Variants in NDST3 observed in about 807,000 individuals in gnomAD.
The protein encoded by NDST3 is bifunctional heparan sulfate N-deacetylase/N-sulfotransferase 3.
NDST3 carries 58 observed loss-of-function variants against 96.1 expected under a neutral mutation model. The ratio of observed to expected loss-of-function variants is 0.60; its 90% CI spans 0.49 to 0.75. NDST3 has a LOEUF of 0.75. Among genes scored for constraint, NDST3 ranks in the 30% least tolerant of loss-of-function variants. The pLI is 0.00. For synonymous variants in NDST3, 333 were observed against 359.7 expected (o/e 0.93, Z 0.84); for missense variants, 788 against 1,034.2 (o/e 0.76, Z 3.27).
chr4:118,040,612 C>T (rs1020979108), intron 1 of NDST3, among the ~76,000 whole-genome samples: 2 of 151,970 alleles, frequency 1.3e-5, no homozygotes, highest in Non-Finnish European at 2.9e-5. Flanking sequence ...TGTGTTATTT[C>T]TATTATCATC....
chr4:118,184,965 A>G (rs1008204385), intron 6 of NDST3, among the ~76,000 whole-genome samples: 2 of 152,180 alleles, frequency 1.3e-5, no homozygotes, highest in African/African-American at 4.8e-5. Context: ...AAATTGAGGC[A>G]CAAATGAATA....
At chr4:118,191,803 T>C (rs947346217) in intron 6 of NDST3, among the ~76,000 whole-genome samples, 34 of 152,358 alleles carry the variant, frequency 2.2e-4, no homozygotes, top group African/African-American at 6.0e-4. Flanking sequence ...ACTAGTTTGA[T>C]AGTAGGATTG....
intron 6 of NDST3, among the ~76,000 whole-genome samples, chr4:118,144,068 C>T (rs1284626907): frequency 2.0e-5 from 3 of 151,800 alleles, no homozygotes; most frequent in South Asian, 4.2e-4. Context: ...TTAAAGTTAA[C>T]GTAGAAGCAA....
chr4:118,209,135 T>C (rs757036108), intron 6 of NDST3, among the ~76,000 whole-genome samples: 6 of 152,226 alleles, frequency 3.9e-5, no homozygotes, highest in Non-Finnish European at 7.3e-5. Context: ...ATCTATTATA[T>C]TGTGGAGGGA....
chr4:118,042,314 A>T (rs1421310437), intron 1 of NDST3, among the ~76,000 whole-genome samples: 4 of 151,976 alleles, frequency 2.6e-5, no homozygotes, highest in Admixed American at 2.6e-4. Context: ...TTCTTCCCAA[A>T]TATCTCTCAT....
chr4:118,051,561 GAA>G (rs1725079431), intron 1 of NDST3, among the ~76,000 whole-genome samples: 1 of 151,902 alleles, frequency 6.6e-6, no homozygotes, highest in East Asian at 1.9e-4. Flanking sequence ...CAATAAGAAA[GAA>G]ACAACCAACC....
At chr4:118,091,257 G>C (rs1728846467) in intron 2 of NDST3, among the ~76,000 whole-genome samples, 1 of 151,604 alleles carries the variant, frequency 6.6e-6, no homozygotes, top group South Asian at 2.1e-4. Context: ...ATTTACCCAT[G>C]TACAAACCTA....
At chr4:118,094,371 A>C (rs187680477) in intron 2 of NDST3, among the ~76,000 whole-genome samples, 37 of 152,004 alleles carry the variant, frequency 2.4e-4, no homozygotes, top group African/African-American at 8.2e-4. Flanking sequence ...AGCCACATTA[A>C]GAGGTTATTC....
intron 4 of NDST3, among the ~76,000 whole-genome samples, chr4:118,120,012 T>C (rs1328128776): frequency 6.6e-6 from 1 of 152,150 alleles, no homozygotes; most frequent in Non-Finnish European, 1.5e-5. Context: ...TAAGGAAAAG[T>C]ATGGAAGTCA....
intron 12 of NDST3, among the ~76,000 whole-genome samples, chr4:118,246,537 C>T (rs1364999861): frequency 2.0e-5 from 3 of 151,956 alleles, no homozygotes; most frequent in Non-Finnish European, 2.9e-5. Context: ...ACCTGAGAGG[C>T]GGAGGTTGCA....
chr4:118,161,719 G>A (rs530522288), intron 6 of NDST3, among the ~76,000 whole-genome samples: 9 of 152,242 alleles, frequency 5.9e-5, no homozygotes, highest in Middle Eastern at 3.4e-3. Context: ...TTTTAAGCCC[G>A]TCGGAAAAGT....
chr4:118,224,841 A>G (rs1427786960), intron 7 of NDST3, among the ~76,000 whole-genome samples, 168 bp downstream of exon 7: 1 of 152,158 alleles, frequency 6.6e-6, no homozygotes, highest in African/African-American at 2.4e-5. Context: ...TCATTGCTAC[A>G]TATTGCACCC....
intron 2 of NDST3, among the ~76,000 whole-genome samples, chr4:118,077,381 T>G (rs1371314127): frequency 2.6e-5 from 4 of 152,184 alleles, no homozygotes; most frequent in South Asian, 2.1e-4. Flanking sequence ...TATTTTGGTG[T>G]TGTATTTTGG....
chr4:118,178,757 A>C (rs556184612), intron 6 of NDST3, among the ~76,000 whole-genome samples: 1 of 152,186 alleles, frequency 6.6e-6, no homozygotes, highest in South Asian at 2.1e-4. Flanking sequence ...AAGAATCATT[A>C]TACTGTTTTC....
intron 6 of NDST3, among the ~76,000 whole-genome samples, chr4:118,212,605 C>T (rs543754390): frequency 4.3e-4 from 66 of 152,244 alleles, no homozygotes; most frequent in African/African-American, 1.6e-3. Context: ...TAATATCATA[C>T]AACATAGCAT....
intron 8 of NDST3, among the ~76,000 whole-genome samples, chr4:118,231,160 A>AC (rs766009275): frequency 2.0e-5 from 3 of 151,794 alleles, no homozygotes; most frequent in Non-Finnish European, 4.4e-5. Context: ...ACATGGTGAA[A>AC]CCCCGTCTCT....
chr4:118,238,837 G>T (rs1474807116), intron 10 of NDST3, among the ~76,000 whole-genome samples: 1 of 152,212 alleles, frequency 6.6e-6, no homozygotes, highest in Non-Finnish European at 1.5e-5. Context: ...CTGTCGCAGA[G>T]AAGCCCAAAT....
chr4:118,143,978 A>C (rs1178862180), intron 6 of NDST3, among the ~76,000 whole-genome samples: 3 of 150,838 alleles, frequency 2.0e-5, no homozygotes, highest in African/African-American at 7.4e-5. Context: ...TCACCTGTAA[A>C]ACTCTCCTAT....
At chr4:118,200,472 A>C (rs1295205810) in intron 6 of NDST3, among the ~76,000 whole-genome samples, 2 of 152,182 alleles carry the variant, frequency 1.3e-5, no homozygotes, top group Non-Finnish European at 2.9e-5. Flanking sequence ...GCCTAAGGCA[A>C]GTCCAGAAAT....
Sources: gnomAD v4.1 joint callset for allele counts (sites outside exome capture counted in the v4.1 genomes callset) on GRCh38, gnomAD v4.1.1 for gene constraint, MANE v1.5 for transcripts, NCBI Gene and HGNC (gene_info 2026-07-23, HGNC 2026-07-21) for gene names.